The following ADAM20 variants were observed in gnomAD, a reference collection of about 807,000 sequenced individuals.
The protein encoded by ADAM20 is disintegrin and metalloproteinase domain-containing protein 20.
For missense variants in ADAM20, 871 were observed against 883.2 expected, an observed-to-expected ratio of 0.99 and a Z score of 0.18; for synonymous variants, 305 against 310.2, an observed-to-expected ratio of 0.98 and a Z score of 0.18.
At chr14:70,563,644 T>C in the ADAM20 span, among the ~76,000 whole-genome samples, 1 of 152,198 alleles carries the variant, frequency 6.6e-6, no homozygotes, top group Non-Finnish European at 1.5e-5. Flanking sequence ...CTTATGGCTC[T>C]GTGGTATCCT....
At chr14:70,568,838 T>G in the ADAM20 span, among the ~76,000 whole-genome samples, 7 of 152,034 alleles carry the variant, frequency 4.6e-5, no homozygotes, top group African/African-American at 1.4e-4. Flanking sequence ...GAACAAAGCC[T>G]TTGGAAATAC....
intron 1 of ADAM20, among the ~76,000 whole-genome samples, chr14:70,532,674 T>C (rs1315033396): frequency 6.6e-6 from 1 of 152,156 alleles, no homozygotes; most frequent in Non-Finnish European, 1.5e-5. Context: ...TAGCTATACT[T>C]AACTATATTG....
the ADAM20 span, among the ~76,000 whole-genome samples, chr14:70,542,272 A>G: frequency 6.6e-6 from 1 of 152,220 alleles, no homozygotes; most frequent in Non-Finnish European, 1.5e-5. Context: ...AGTTACATAT[A>G]TAAGTTCAAT....
the ADAM20 span, among the ~76,000 whole-genome samples, chr14:70,552,873 G>A: frequency 5.9e-5 from 1 of 16,950 alleles, no homozygotes; most frequent in African/African-American, 2.7e-4. Context: ...TGTTTATTGC[G>A]GCACTATTCA....
chr14:70,566,083 T>A, the ADAM20 span, among the ~76,000 whole-genome samples: 1 of 152,092 alleles, frequency 6.6e-6, no homozygotes, highest in East Asian at 1.9e-4. Context: ...TTGCTCAAGT[T>A]GAAACAAAAA....
chr14:70,577,220 T>C, the ADAM20 span, among the ~76,000 whole-genome samples: 47 of 152,048 alleles, frequency 3.1e-4, 1 homozygote, highest in Admixed American at 3.1e-3. Flanking sequence ...AAGTGTAAAA[T>C]CCTAAACCAA....
the ADAM20 span, among the ~76,000 whole-genome samples, chr14:70,572,676 G>A: frequency 6.6e-6 from 1 of 152,080 alleles, no homozygotes. Context: ...CTACAGATGG[G>A]TGAATATATT....
chr14:70,541,311 T>C, the ADAM20 span, among the ~76,000 whole-genome samples: 1 of 152,216 alleles, frequency 6.6e-6, no homozygotes, highest in African/African-American at 2.4e-5. Context: ...GCTGTACAAT[T>C]TGCATGGTTT....
At chr14:70,576,335 C>A in the ADAM20 span, among the ~76,000 whole-genome samples, 3 of 152,080 alleles carry the variant, frequency 2.0e-5, no homozygotes, top group Non-Finnish European at 4.4e-5. Context: ...TACAAACAAC[C>A]TTTAGCCTTA....
At chr14:70,561,549 G>T in the ADAM20 span, among the ~76,000 whole-genome samples, 1 of 152,226 alleles carries the variant, frequency 6.6e-6, no homozygotes, top group Non-Finnish European at 1.5e-5. Flanking sequence ...ATGTCTGCAG[G>T]GTATTTCAGA....
At chr14:70,562,184 C>T in the ADAM20 span, among the ~76,000 whole-genome samples, 1 of 152,228 alleles carries the variant, frequency 6.6e-6, no homozygotes, top group Middle Eastern at 3.2e-3. Flanking sequence ...CATCAGCATG[C>T]CCTGAATGTG....
chr14:70,528,921 A>C (rs907893771), intron 1 of ADAM20, among the ~76,000 whole-genome samples: 1 of 152,230 alleles, frequency 6.6e-6, no homozygotes, highest in East Asian at 1.9e-4. Flanking sequence ...AAGCAAAACA[A>C]ACTGTTACAA....
the ADAM20 span, among the ~76,000 whole-genome samples, chr14:70,564,872 C>A: frequency 6.7e-5 from 10 of 149,044 alleles, no homozygotes; most frequent in Non-Finnish European, 3.0e-5. Context: ...CACAGCAAGA[C>A]CCCTTGTATA....
At chr14:70,553,053 G>GC in the ADAM20 span, among the ~76,000 whole-genome samples, 48 of 34,492 alleles carry the variant, frequency 1.4e-3, no homozygotes, top group Non-Finnish European at 2.5e-3. Flanking sequence ...GTAAACTATC[G>GC]CAAGAACAAA....
the ADAM20 span, among the ~76,000 whole-genome samples, chr14:70,577,190 C>T: frequency 6.6e-6 from 1 of 152,114 alleles, no homozygotes; most frequent in Non-Finnish European, 1.5e-5. Flanking sequence ...ATATTACAGG[C>T]TAATCTTAAG....
chr14:70,538,451 C>T (rs745542587), upstream of ADAM20, among the ~76,000 whole-genome samples: 23 of 152,116 alleles, frequency 1.5e-4, no homozygotes, highest in Non-Finnish European at 3.2e-4. Context: ...AAAGAGTGCT[C>T]AGCTTAATTA....
At chr14:70,564,584 G>A in the ADAM20 span, among the ~76,000 whole-genome samples, 1 of 151,902 alleles carries the variant, frequency 6.6e-6, no homozygotes, top group Admixed American at 6.5e-5. Flanking sequence ...AATTTATGAA[G>A]TGAAAATGGG....
chr14:70,555,270 C>CA, the ADAM20 span, among the ~76,000 whole-genome samples: 19 of 150,660 alleles, frequency 1.3e-4, no homozygotes, highest in Admixed American at 4.0e-4. Context: ...GTTCGCACCA[C>CA]AAAAAAAAGA....
chr14:70,566,398 T>C, the ADAM20 span, among the ~76,000 whole-genome samples: 3 of 151,620 alleles, frequency 2.0e-5, no homozygotes, highest in Non-Finnish European at 2.9e-5. Flanking sequence ...GTAAGTCCCA[T>C]GGTAACCAGA....
Sources: allele counts gnomAD v4.1 joint callset (sites outside exome capture counted in the v4.1 genomes callset), GRCh38; gene constraint gnomAD v4.1.1; transcripts MANE v1.5; gene names NCBI Gene and HGNC (gene_info 2026-07-23, HGNC 2026-07-21).